The following DGKB variants were observed in gnomAD, a reference collection of about 807,000 sequenced individuals.
DGKB encodes the protein 90 kDa diacylglycerol kinase.
A neutral mutation model predicts 114.3 loss-of-function variants in DGKB; 67 were observed. That is an observed-to-expected ratio of 0.59 (90% CI 0.48 to 0.72). DGKB has a LOEUF of 0.72. DGKB is among the 30% of genes least tolerant of loss of function. The pLI is 0.00. For missense variants in DGKB, 907 were observed against 975.2 expected, an observed-to-expected ratio of 0.93 and a Z score of 0.93; for synonymous variants, 398 against 323.1, an observed-to-expected ratio of 1.23 and a Z score of -2.49.
intron 4 of DGKB, among the ~76,000 whole-genome samples, chr7:14,744,160 T>G (rs1832939196): frequency 6.6e-6 from 1 of 152,236 alleles, no homozygotes; most frequent in Non-Finnish European, 1.5e-5. Flanking sequence ...TATACTCATG[T>G]GAACAAAATT....
At chr7:14,915,613 C>T (rs1784204726) in intron 1 of DGKB, among the ~76,000 whole-genome samples, 1 of 152,090 alleles carries the variant, frequency 6.6e-6, no homozygotes, top group African/African-American at 2.4e-5. Flanking sequence ...ATAAGAATTA[C>T]ACTGTGCCTC....
rs141600003 is a variant in DGKB at position 14,344,450 on chromosome 7, T to A, written c.1926+851A>T. ...CTGTTTACCAAACTTATTACCTGAA[T>A]ATAAGGAACTAATGATTTAGGTATC... On this transcript the variant is annotated intron_variant, in intron 22 of 25. Transcript: ENST00000402815. Among the ~76,000 whole-genome samples, 211 of 151,818 alleles carry A rather than the reference T, an allele frequency of 1.4e-3. 1 individual carries two copies. The highest frequency in any genetic ancestry group is 4.8e-3 in the African/African-American group (201 of 41,530).
chr7:14,256,460 TAA>T (rs970208264), intron 23 of DGKB, among the ~76,000 whole-genome samples: 7 of 18,316 alleles, frequency 3.8e-4, no homozygotes, highest in South Asian at 6.0e-3. Flanking sequence ...CATTCTAAAA[TAA>T]ATATTTTATT....
intron 22 of DGKB, among the ~76,000 whole-genome samples, chr7:14,339,436 G>GT (rs1432058849): frequency 6.6e-6 from 1 of 151,418 alleles, no homozygotes; most frequent in African/African-American, 2.4e-5. Context: ...TGCAAAAATG[G>GT]TTAAAAAAAA....
At chr7:14,493,140 G>A (rs1784823161) in intron 20 of DGKB, among the ~76,000 whole-genome samples, 1 of 152,028 alleles carries the variant, frequency 6.6e-6, no homozygotes, top group African/African-American at 2.4e-5. Flanking sequence ...ATAAACTATG[G>A]ATTGAAAATG....
chr7:14,341,798 A>G (rs1811647378), intron 22 of DGKB, among the ~76,000 whole-genome samples: 1 of 151,912 alleles, frequency 6.6e-6, no homozygotes, highest in African/African-American at 2.4e-5. Context: ...TTAGTGTTTC[A>G]GATCCACTTA....
At chr7:14,498,356 T>A (rs1170115023) in intron 20 of DGKB, among the ~76,000 whole-genome samples, 1 of 151,772 alleles carries the variant, frequency 6.6e-6, no homozygotes, top group African/African-American at 2.4e-5. Flanking sequence ...GTCAACTTAA[T>A]TAACACAAAG....
intron 1 of DGKB, among the ~76,000 whole-genome samples, chr7:14,928,294 CTT>C (rs1460028073): frequency 6.6e-6 from 1 of 151,838 alleles, no homozygotes; most frequent in Non-Finnish European, 1.5e-5. Flanking sequence ...ATTCAAAAAA[CTT>C]TAACCATCTA....
intron 23 of DGKB, among the ~76,000 whole-genome samples, chr7:14,198,035 T>A (rs567266415): frequency 6.6e-6 from 1 of 152,218 alleles, no homozygotes; most frequent in South Asian, 2.1e-4. Context: ...TATTCAGTGA[T>A]GTTTCAGAGT....
chr7:14,284,051 AG>A (rs1800414101), intron 23 of DGKB, among the ~76,000 whole-genome samples: 1 of 152,200 alleles, frequency 6.6e-6, no homozygotes, highest in African/African-American at 2.4e-5. Flanking sequence ...GCACAGCAAA[AG>A]AAACTACCAT....
At chr7:14,711,997 A>G (rs1377094947) in intron 6 of DGKB, among the ~76,000 whole-genome samples, 1 of 152,222 alleles carries the variant, frequency 6.6e-6, no homozygotes, top group Non-Finnish European at 1.5e-5. Context: ...TTTCAACACA[A>G]GTAGTTTGGA....
At chr7:14,384,032 G>A (rs865851313) in intron 21 of DGKB, among the ~76,000 whole-genome samples, 58 of 152,222 alleles carry the variant, frequency 3.8e-4, no homozygotes, top group African/African-American at 1.3e-3. Flanking sequence ...TTAAACATGA[G>A]GTATGTACCG....
At chr7:14,616,288 A>G (rs1391071477) in intron 15 of DGKB, among the ~76,000 whole-genome samples, 1 of 150,384 alleles carries the variant, frequency 6.6e-6, no homozygotes, top group African/African-American at 2.4e-5. Flanking sequence ...ATTTTGGACT[A>G]GTTTTGTGGA....
chr7:14,690,324 G>GT (rs1451522477), intron 9 of DGKB, among the ~76,000 whole-genome samples: 1 of 152,188 alleles, frequency 6.6e-6, no homozygotes, highest in Non-Finnish European at 1.5e-5. Flanking sequence ...GACCTAGTTA[G>GT]TTAATAACAG....
chr7:14,765,408 T>G (rs1051779618), intron 2 of DGKB, among the ~76,000 whole-genome samples: 4 of 152,018 alleles, frequency 2.6e-5, no homozygotes, highest in Non-Finnish European at 5.9e-5. Flanking sequence ...ACTAGTTAAT[T>G]CCAAAATGAC....
chr7:14,390,373 C>T (rs1821128996), intron 21 of DGKB, among the ~76,000 whole-genome samples: 1 of 152,256 alleles, frequency 6.6e-6, no homozygotes, highest in East Asian at 1.9e-4. Context: ...AACAGCTTGG[C>T]AATGCAGTTT....
intron 21 of DGKB, among the ~76,000 whole-genome samples, chr7:14,433,491 T>C (rs196754): frequency 0.97 from 147,125 of 152,118 alleles, 71,299 homozygotes; most frequent in Non-Finnish European, 1. Context: ...TAGGCAAAAA[T>C]GGGTAATAAG....
intron 1 of DGKB, among the ~76,000 whole-genome samples, chr7:14,872,782 T>C (rs1204195723): frequency 1.3e-5 from 2 of 150,698 alleles, no homozygotes; most frequent in Admixed American, 6.6e-5. Context: ...CTAAATTTGA[T>C]TGTTTATGTA....
At chr7:14,200,021 C>T (rs1785595486) in intron 23 of DGKB, among the ~76,000 whole-genome samples, 1 of 152,002 alleles carries the variant, frequency 6.6e-6, no homozygotes, top group African/African-American at 2.4e-5. Flanking sequence ...TCAGATTTCA[C>T]TCCAGGTTCA....
Sources: gnomAD v4.1 joint callset for allele counts (sites outside exome capture counted in the v4.1 genomes callset) on GRCh38, gnomAD v4.1.1 for gene constraint, MANE v1.5 for transcripts, NCBI Gene and HGNC (gene_info 2026-07-23, HGNC 2026-07-21) for gene names.